Variants in TMEM87A observed in about 807,000 individuals in gnomAD.
The protein encoded by TMEM87A is transmembrane protein 87A, also known as Golgi-pH regulating cation channel.
Under a neutral mutation model 90.0 loss-of-function variants are expected in TMEM87A, and 50 were observed. The ratio of observed to expected loss-of-function variants is 0.56; its 90% CI spans 0.44 to 0.70. TMEM87A has a LOEUF of 0.70. TMEM87A is among the 30% of genes least tolerant of loss of function. TMEM87A has a pLI of 0.00. For missense variants in TMEM87A, 577 were observed against 660.5 expected (o/e 0.87, Z 1.39); for synonymous variants, 226 against 226.7 (o/e 1.00, Z 0.03).
At chr15:42,248,669 G>A (rs1240889401) in intron 6 of TMEM87A, among the ~76,000 whole-genome samples, 1 of 152,164 alleles carries the variant, frequency 6.6e-6, no homozygotes, top group African/African-American at 2.4e-5. Context: ...TTGATGTGCT[G>A]CTGGATTCGG....
intron 3 of TMEM87A, 42 bp downstream of exon 3, chr15:42,267,905 T>C: frequency 6.7e-7 from 1 of 1,502,190 alleles, no homozygotes; most frequent in African/African-American, 1.4e-5. Context: ...AACCAGATAA[T>C]CACTAAGGTC....
chr15:42,268,949 T>C (rs2051458956), intron 2 of TMEM87A, among the ~76,000 whole-genome samples: 1 of 151,644 alleles, frequency 6.6e-6, no homozygotes. Context: ...GAAAGAGCAA[T>C]GAACGAAAAG....
chr15:42,240,794 C>T lies in TMEM87A; in HGVS notation c.623-1063G>A, dbSNP rs111631154. ...ACCATTATTTAAAGTAAACTACATC[C>T]AATACTTACATGAAAAAAAGAGCAT... On this transcript the variant is annotated intron_variant, in intron 7 of 19. Transcript: ENST00000389834. Among the ~76,000 whole-genome samples the T allele has an allele frequency of 8.1e-3, 1,234 of 152,110 alleles. 8 individuals are homozygous for T. The highest frequency in any genetic ancestry group is 0.037 in the Middle Eastern group (11 of 294).
intron 3 of TMEM87A, among the ~76,000 whole-genome samples, chr15:42,265,413 T>G (rs1235845315): frequency 2.0e-5 from 3 of 152,144 alleles, no homozygotes; most frequent in South Asian, 2.1e-4. Context: ...TGATGTGAGA[T>G]GGTATCTCAT....
In TMEM87A at chr15:42,252,291, C is replaced by T. The variant is rs149467026; in HGVS notation, c.505-8124G>A. Among the ~76,000 whole-genome samples, 1,229 of 152,322 alleles carry T rather than the reference C, an allele frequency of 8.1e-3. 7 individuals carry two copies. The highest frequency in any genetic ancestry group is 0.037 in the Middle Eastern group (11 of 294). On this transcript the variant is annotated intron_variant, in intron 6 of 19. Transcript: ENST00000389834. ...CATTCCCAGTGAGATGAGCCAGGTACCTCAGTTGGAAATGCAGAAATCACC... is the reference window on the plus strand; with the variant it reads ...CATTCCCAGTGAGATGAGCCAGGTATCTCAGTTGGAAATGCAGAAATCACC...
intron 15 of TMEM87A, chr15:42,224,334 C>T (rs1181730893): frequency 6.6e-6 from 1 of 152,220 alleles, no homozygotes; most frequent in Non-Finnish European, 1.5e-5. Context: ...TGCATACTGT[C>T]ACATATTTGG....
At chr15:42,265,115 G>T (rs898656108) in intron 3 of TMEM87A, among the ~76,000 whole-genome samples, 1 of 152,070 alleles carries the variant, frequency 6.6e-6, no homozygotes, top group African/African-American at 2.4e-5. Context: ...ACCATTGATG[G>T]GCATTTAGGT....
Position 42,228,744 on chromosome 15 carries a change from T to C in TMEM87A, c.1208A>G (p.His403Arg). The C allele has an allele frequency of 1.9e-6, 3 of 1,611,160 alleles. No homozygotes were observed. The highest frequency in any genetic ancestry group is 1.7e-4 in the Middle Eastern group (1 of 6,048). Residue 403 changes from histidine to arginine, a missense_variant, in exon 13 of 20, where the codon CAT becomes CGT. Transcript: ENST00000389834. ...RNIVKLSLYRHFTNTLILAVA... is the reference protein window; with the variant it reads ...RNIVKLSLYRRFTNTLILAVA... ...TGCCAAAATAAGCGTGTTGGTGAAA[T>C]GCCGATACAAAGAGAGTTTTACAAT...
intron 9 of TMEM87A, 83 bp from the exon 10 acceptor site, chr15:42,236,502 C>T: frequency 8.9e-7 from 1 of 1,118,380 alleles, no homozygotes; most frequent in South Asian, 1.2e-5. Flanking sequence ...CTGCTTTCTA[C>T]ACTCTTCAGA....
chr15:42,269,893 G>A (rs1417287326), intron 2 of TMEM87A, among the ~76,000 whole-genome samples: 8 of 130,800 alleles, frequency 6.1e-5, no homozygotes, highest in Non-Finnish European at 1.3e-4. Flanking sequence ...CCGAGATTGC[G>A]CCACTGCAAT....
At chr15:42,240,143 TC>T (rs1185335229) in intron 7 of TMEM87A, among the ~76,000 whole-genome samples, 1 of 152,240 alleles carries the variant, frequency 6.6e-6, no homozygotes, top group African/African-American at 2.4e-5. Context: ...TTACAGGACT[TC>T]CTTTTTACAT....
intron 10 of TMEM87A, among the ~76,000 whole-genome samples, chr15:42,235,537 T>G (rs139889687): frequency 7.7e-4 from 118 of 152,354 alleles, no homozygotes; most frequent in Middle Eastern, 6.8e-3. Context: ...TCAAAACAAT[T>G]GGCATCATCC....
chr15:42,248,547 G>T (rs1313763213), intron 6 of TMEM87A, among the ~76,000 whole-genome samples: 1 of 152,160 alleles, frequency 6.6e-6, no homozygotes, highest in Non-Finnish European at 1.5e-5. Context: ...TAATCATGTG[G>T]TTTTTGTCTT....
At chr15:42,218,251 C>T (rs908329371) in intron 18 of TMEM87A, 72 bp downstream of exon 18, 47 of 1,444,010 alleles carry the variant, frequency 3.3e-5, no homozygotes, top group Non-Finnish European at 4.4e-5. Flanking sequence ...GTATAACTTG[C>T]TCATTTAAAA....
chr15:42,259,866 A>G (rs2051255245), intron 6 of TMEM87A, among the ~76,000 whole-genome samples: 3 of 152,224 alleles, frequency 2.0e-5, no homozygotes, highest in African/African-American at 4.8e-5. Context: ...TCCATGTATT[A>G]TATGATTCCA....
At chr15:42,231,894 G>A (rs1175084114) in intron 11 of TMEM87A, 1 of 1,278,824 alleles carries the variant, frequency 7.8e-7, no homozygotes, top group African/African-American at 1.5e-5. Flanking sequence ...TTTACTATCA[G>A]AGTCAAGGGA....
intron 6 of TMEM87A, among the ~76,000 whole-genome samples, chr15:42,254,319 T>C (rs2051138014): frequency 6.6e-6 from 1 of 152,234 alleles, no homozygotes; most frequent in African/African-American, 2.4e-5. Context: ...AAACTAAACA[T>C]ACTCTTACCA....
At chr15:42,251,027 G>A (rs185033118) in intron 6 of TMEM87A, among the ~76,000 whole-genome samples, 57 of 151,820 alleles carry the variant, frequency 3.8e-4, no homozygotes, top group African/African-American at 1.2e-3. Context: ...CCACTTGATC[G>A]AATCAGCTAC....
In TMEM87A at chr15:42,210,674, T is replaced by TAACA. The variant is rs1485229030; in HGVS notation, c.*1030_*1033dup. On this transcript the variant is annotated 3_prime_UTR_variant, in exon 20 of 20. Transcript: ENST00000389834. ...CCCATCACCTTGTGATGTCCCTTATTAACAGTCTCTAAACCAATACCAGAT... is the reference window on the plus strand; with the variant it reads ...CCCATCACCTTGTGATGTCCCTTATTAACAAACAGTCTCTAAACCAATACCAGAT... The TAACA allele has an allele frequency of 1.3e-5, 2 of 152,602 alleles. No homozygotes were observed. The highest frequency in any genetic ancestry group is 4.8e-5 in the African/African-American group (2 of 41,438). The allele number at this position is 152,602 out of a possible 1,614,324, so 9.5% of individuals were successfully genotyped here.
Sources: gnomAD v4.1 joint callset for allele counts (sites outside exome capture counted in the v4.1 genomes callset) on GRCh38, gnomAD v4.1.1 for gene constraint, MANE v1.5 for transcripts, NCBI Gene and HGNC (gene_info 2026-07-23, HGNC 2026-07-21) for gene names.